Variants in TASOR2 observed in about 807,000 individuals in gnomAD.
TASOR2 encodes transcription activation suppressor family member 2, also known as protein TASOR 2.
TASOR2 carries 84 observed loss-of-function variants against 199.5 expected under a neutral mutation model. That is an observed-to-expected ratio of 0.42 (90% confidence interval 0.35 to 0.50). The LOEUF is 0.50. TASOR2 is among the 20% of genes least tolerant of loss of function. The probability of loss-of-function intolerance (pLI) is 0.02; values close to 1 mark genes in which losing one functional copy is unlikely to be tolerated. For missense variants in TASOR2, 2,796 were observed against 2,835.9 expected, an observed-to-expected ratio of 0.99 and a Z score of 0.32; for synonymous variants, 1,103 against 1,046.6, an observed-to-expected ratio of 1.05 and a Z score of -1.04.
chr10:5,732,874 T>A (rs1057297599), intron 11 of TASOR2, among the ~76,000 whole-genome samples: 1 of 152,186 alleles, frequency 6.6e-6, no homozygotes, highest in African/African-American at 2.4e-5. Flanking sequence ...TAGTGGTTTC[T>A]GGCTTATTGT....
chr10:5,703,434 C>T (rs1838150687), intron 1 of TASOR2, among the ~76,000 whole-genome samples: 2 of 151,210 alleles, frequency 1.3e-5, no homozygotes, highest in South Asian at 4.2e-4. Context: ...TCCTTGAATT[C>T]CTGGCATAAG....
At chr10:5,761,069 C>T in intron 18 of TASOR2, 2 of 489,302 alleles carry the variant, frequency 4.1e-6, no homozygotes, top group Non-Finnish European at 7.3e-6. Flanking sequence ...TAGGTAGATG[C>T]ATGATGTCCC....
chr10:5,747,515 A>G, exon 15 of TASOR2: 1 of 1,614,162 alleles, frequency 6.2e-7, no homozygotes, highest in Non-Finnish European at 8.5e-7. Context: ...GATAATTTAC[A>G]ACCAGTTACT....
chr10:5,742,256 G>A lies in TASOR2; in HGVS notation c.2487G>A (p.Thr829=), dbSNP rs754451939. Residue 829 remains threonine, a synonymous_variant, in exon 14 of 21, where the codon ACG becomes ACA. Transcript: ENST00000328090. The surrounding 1 kb of genome is among the most constrained non-coding windows in gnomAD (Gnocchi z 4.2). ...CAAAATATGTGTCTATAAATAGCAC[G>A]TTAGAATCTTGTGAGCTCCGTGAAA... 19 of 1,614,168 alleles carry A rather than the reference G, an allele frequency of 1.2e-5. No individual in the cohort carries two copies. The highest frequency in any genetic ancestry group is 2.2e-5 in the South Asian group (2 of 91,080).
chr10:5,732,961 GA>G (rs1835037323), intron 11 of TASOR2, among the ~76,000 whole-genome samples: 1 of 152,118 alleles, frequency 6.6e-6, no homozygotes, highest in Non-Finnish European at 1.5e-5. Flanking sequence ...CAGTGCACCA[GA>G]CTATACAACT....
chr10:5,685,217 G>A lies in TASOR2; in HGVS notation c.-288+42G>A, dbSNP rs1835668681. On this transcript the variant is annotated intron_variant, in intron 1 of 20. Coordinates refer to ENST00000328090, the Ensembl canonical transcript of TASOR2. The surrounding 1 kb of genome is among the most constrained non-coding windows in gnomAD (Gnocchi z 5.4). Reference sequence around the variant, plus strand: ...CCTGGGCGCCCGGGAACCCTGCGAGGAGGACGGCGGGTCCCCGAGGCCGAG... The same window carrying A: ...CCTGGGCGCCCGGGAACCCTGCGAGAAGGACGGCGGGTCCCCGAGGCCGAG... 1 of 397,742 alleles carries A rather than the reference G, an allele frequency of 2.5e-6. No homozygotes were observed. The highest frequency in any genetic ancestry group is 3.6e-5 in the East Asian group (1 of 28,030). 24.6% of individuals were successfully genotyped at this position (397,742 alleles called of 1,614,324 possible).
At chr10:5,763,193 A>G (rs899141876) in exon 21 of TASOR2, 2 of 646,336 alleles carry the variant, frequency 3.1e-6, no homozygotes, top group Non-Finnish European at 5.1e-6. Flanking sequence ...TTTTGCTGAA[A>G]TATGTCACAG....
At chr10:5,756,852 T>C (rs1428018494) in intron 16 of TASOR2, 114 bp downstream of exon 17, 2 of 1,168,542 alleles carry the variant, frequency 1.7e-6, no homozygotes, top group East Asian at 5.0e-5. Flanking sequence ...ACATTACTGT[T>C]GGGCCTTTAA....
Position 5,701,620 on chromosome 10 carries a change from C to T in TASOR2, c.-287-11203C>T, listed in dbSNP as rs1456770236. Among the ~76,000 whole-genome samples, 1 of 152,030 alleles carries T rather than the reference C, an allele frequency of 6.6e-6. No individual in the cohort carries two copies. Among genetic ancestry groups the T allele is most frequent in the Non-Finnish European group, 1.5e-5 (1 of 67,988 alleles). On this transcript the variant is annotated intron_variant, in intron 1 of 20. Coordinates refer to ENST00000328090, the Ensembl canonical transcript of TASOR2. This position sits in a 1 kb window ranked among gnomAD's most constrained non-coding sequence, Gnocchi z 4.9. ...AGAGTATCTTTCTATTTTTTAATGT[C>T]CACTTCAATTTCTTTCATCATTGTT...
chr10:5,717,804 A>G (rs1457797791), intron 3 of TASOR2, 54 bp downstream of exon 4: 10 of 635,058 alleles, frequency 1.6e-5, no homozygotes, highest in Non-Finnish European at 2.3e-5. Context: ...AAGGTTATCT[A>G]CCTTTGATAT....
chr10:5,733,686 CT>C (rs1172054024), intron 11 of TASOR2, among the ~76,000 whole-genome samples: 1 of 152,054 alleles, frequency 6.6e-6, no homozygotes, highest in Non-Finnish European at 1.5e-5. Flanking sequence ...GAATATCTTC[CT>C]TTTCTGTTTG....
chr10:5,721,930 C>G (rs1833407514), intron 6 of TASOR2, among the ~76,000 whole-genome samples: 1 of 152,000 alleles, frequency 6.6e-6, no homozygotes. Context: ...TTCAAAATAC[C>G]CTAGTCATTG....
intron 1 of TASOR2, among the ~76,000 whole-genome samples, chr10:5,704,149 G>A (rs1030958187): frequency 5.3e-5 from 8 of 150,692 alleles, no homozygotes; most frequent in Admixed American, 4.6e-4. Context: ...ACTTGAACCT[G>A]GGAGGCGAAA....
At chr10:5,735,131 T>C (rs974056655) in intron 11 of TASOR2, among the ~76,000 whole-genome samples, 173 bp from the exon 13 acceptor site, 2 of 152,198 alleles carry the variant, frequency 1.3e-5, no homozygotes, top group Non-Finnish European at 2.9e-5. Context: ...TGAGAATGTT[T>C]AACTTTTGAT....
At chr10:5,732,715 T>G (rs901428947) in intron 11 of TASOR2, among the ~76,000 whole-genome samples, 1 of 147,304 alleles carries the variant, frequency 6.8e-6, no homozygotes, top group African/African-American at 2.5e-5. Context: ...GCCCCACTAA[T>G]TTTTAAAATT....
At chr10:5,747,674 A>G in exon 15 of TASOR2, 3 of 1,614,106 alleles carry the variant, frequency 1.9e-6, no homozygotes, top group Non-Finnish European at 2.5e-6. Flanking sequence ...CGACCATATC[A>G]GGCTGTGACT....
At chr10:5,721,413 T>G (rs1325192980) in intron 6 of TASOR2, among the ~76,000 whole-genome samples, 1 of 152,226 alleles carries the variant, frequency 6.6e-6, no homozygotes, top group Non-Finnish European at 1.5e-5. Flanking sequence ...CCTGGGGAAC[T>G]GTGAAGAACA....
At chr10:5,755,046 CAAAAAAAAAAAAAA>C (rs34884255) in intron 15 of TASOR2, among the ~76,000 whole-genome samples, 6 of 78,124 alleles carry the variant, frequency 7.7e-5, no homozygotes, top group East Asian at 3.9e-4. Flanking sequence ...ACTCTTGTCT[CAAAAAAAAAAAAAA>C]AAAAAAAAGA....
At chr10:5,753,327 T>C (rs2131640582) in intron 15 of TASOR2, among the ~76,000 whole-genome samples, 1 of 152,306 alleles carries the variant, frequency 6.6e-6, no homozygotes, top group South Asian at 2.1e-4. Flanking sequence ...TCTTTTTCCC[T>C]GGCTGAGGAT....
Sources: allele counts gnomAD v4.1 joint callset (sites outside exome capture counted in the v4.1 genomes callset), GRCh38; gene constraint gnomAD v4.1.1; non-coding constraint Gnocchi (gnomAD v3.1); transcripts MANE v1.5; gene names NCBI Gene and HGNC (gene_info 2026-07-23, HGNC 2026-07-21).